Variants in PCDHA1 observed in about 807,000 individuals in gnomAD.
PCDHA1 encodes protocadherin alpha-1.
PCDHA1 carries 42 observed loss-of-function variants against 61.3 expected under a neutral mutation model. The observed-to-expected ratio is 0.69, with a 90% CI of 0.54 to 0.89. PCDHA1 has a LOEUF of 0.89. Ranked by LOEUF, PCDHA1 falls within the 40% of genes least tolerant of loss-of-function variation. The pLI, the probability that PCDHA1 is intolerant of heterozygous loss-of-function variation, is 0.00. For synonymous variants in PCDHA1, 610 were observed against 553.8 expected, an observed-to-expected ratio of 1.10 and a Z score of -1.43; for missense variants, 1,256 against 1,235.3, an observed-to-expected ratio of 1.02 and a Z score of -0.25.
At chr5:140,924,762 G>A (rs1554202136) in intron 1 of PCDHA1, among the ~76,000 whole-genome samples, 1 of 151,856 alleles carries the variant, frequency 6.6e-6, no homozygotes, top group Non-Finnish European at 1.5e-5. Context: ...GAGCATGGTG[G>A]TGCGCGCTTG....
At chr5:140,818,283 C>T (rs1766323744) in intron 1 of PCDHA1, among the ~76,000 whole-genome samples, 1 of 152,044 alleles carries the variant, frequency 6.6e-6, no homozygotes, top group Non-Finnish European at 1.5e-5. Context: ...TTTCATAATC[C>T]ATGTTTTATT....
intron 1 of PCDHA1, chr5:140,812,771 C>T (rs1189411783): frequency 1.3e-5 from 2 of 152,154 alleles, no homozygotes; most frequent in Non-Finnish European, 2.9e-5. Flanking sequence ...CTTAATATTC[C>T]TTCTTAGTAC....
At chr5:140,874,310 T>G (rs1466164009) in intron 1 of PCDHA1, among the ~76,000 whole-genome samples, 1 of 151,992 alleles carries the variant, frequency 6.6e-6, no homozygotes, top group Non-Finnish European at 1.5e-5. Context: ...TCACAATGAG[T>G]TGTAGGATCT....
chr5:140,908,208 C>A (rs1477430085), intron 1 of PCDHA1, among the ~76,000 whole-genome samples: 8 of 152,136 alleles, frequency 5.3e-5, no homozygotes, highest in Non-Finnish European at 1.0e-4. Context: ...TCATGCAGAA[C>A]CATCTGTGAA....
chr5:141,001,518 C>G (rs573560944), intron 3 of PCDHA1, among the ~76,000 whole-genome samples: 2 of 152,272 alleles, frequency 1.3e-5, no homozygotes, highest in East Asian at 1.9e-4. Context: ...AGCTTTCTCC[C>G]TCTCTCTCTG....
At chr5:140,906,416 T>A (rs2072639287) in intron 1 of PCDHA1, among the ~76,000 whole-genome samples, 1 of 152,190 alleles carries the variant, frequency 6.6e-6, no homozygotes, top group African/African-American at 2.4e-5. Flanking sequence ...AGTCAATAAA[T>A]CTTATGTCAC....
rs1776053531 is a variant in PCDHA1 at position 140,839,144 on chromosome 5, A to G, written c.2394+50460A>G. ...ATATGTCATTCACATAAGCAGACCAAGTTTGCTGCTCTTGTTGAAAGATAT... is the reference window on the plus strand; with the variant it reads ...ATATGTCATTCACATAAGCAGACCAGGTTTGCTGCTCTTGTTGAAAGATAT... On this transcript the variant is annotated intron_variant, in intron 1 of 3. Transcript: ENST00000504120. Among the ~76,000 whole-genome samples, 3 of 136,814 alleles carry G rather than the reference A, an allele frequency of 2.2e-5. No individual in the cohort carries two copies. The South Asian group carries it at 7.1e-4, about 33-fold the overall frequency. The allele number at this position is 136,814 out of a possible 152,430, so 89.8% of individuals were successfully genotyped here.
chr5:140,801,564 G>A, intron 1 of PCDHA1: 1 of 1,614,270 alleles, frequency 6.2e-7, no homozygotes, highest in Non-Finnish European at 8.5e-7. Flanking sequence ...GGAGGTGGAA[G>A]TGAAGGACAT....
intron 1 of PCDHA1, among the ~76,000 whole-genome samples, chr5:140,831,814 A>G (rs1771713108): frequency 6.6e-6 from 1 of 152,202 alleles, no homozygotes; most frequent in Non-Finnish European, 1.5e-5. Context: ...TAAAGTTGGA[A>G]TGATAAACAC....
chr5:140,843,274 G>A, intron 1 of PCDHA1: 6 of 1,596,094 alleles, frequency 3.8e-6, no homozygotes, highest in Non-Finnish European at 5.1e-6. Flanking sequence ...TGGTCCTGGT[G>A]AAGGATCATG....
intron 1 of PCDHA1, chr5:140,802,681 T>A: frequency 6.2e-6 from 10 of 1,613,198 alleles, no homozygotes; most frequent in Non-Finnish European, 8.5e-6. Flanking sequence ...TACTCGCTGG[T>A]GGAACGGCGG....
chr5:140,966,234 C>T (rs77272068), intron 1 of PCDHA1: 2,919 of 290,608 alleles, frequency 0.01, 77 homozygotes, highest in African/African-American at 0.056. Context: ...CTTAAAGACC[C>T]GTTAAGCAGG....
intron 1 of PCDHA1, among the ~76,000 whole-genome samples, chr5:140,839,243 C>T (rs12659980): frequency 0.58 from 88,501 of 151,692 alleles, 26,916 homozygotes; most frequent in African/African-American, 0.73. Context: ...TATTGCTTTG[C>T]TTTTATGCTT....
chr5:140,809,094 C>A (rs782551783), intron 1 of PCDHA1: 2 of 1,613,968 alleles, frequency 1.2e-6, no homozygotes, highest in East Asian at 4.5e-5. Flanking sequence ...ACAACGCGTG[C>A]CCTGGACGAA....
At chr5:140,912,844 C>T (rs960802369) in intron 1 of PCDHA1, among the ~76,000 whole-genome samples, 16 of 152,150 alleles carry the variant, frequency 1.1e-4, no homozygotes, top group Admixed American at 2.6e-4. Context: ...AATGCTTTTT[C>T]AGCATCAATT....
intron 1 of PCDHA1, chr5:140,841,851 A>C: frequency 6.2e-7 from 1 of 1,613,782 alleles, no homozygotes; most frequent in South Asian, 1.1e-5. Flanking sequence ...TCTCATGATT[A>C]CTTCATGCTA....
At chr5:140,811,787 A>G (rs1195169944) in intron 1 of PCDHA1, 2 of 152,190 alleles carry the variant, frequency 1.3e-5, no homozygotes, top group Non-Finnish European at 1.5e-5. Flanking sequence ...TGTTGGCTGC[A>G]TAAATGTCTT....
chr5:140,958,915 G>T (rs1162016056), intron 1 of PCDHA1, among the ~76,000 whole-genome samples: 13 of 150,674 alleles, frequency 8.6e-5, no homozygotes, highest in Non-Finnish European at 1.8e-4. Flanking sequence ...AAGTCTGCCT[G>T]GGTGTGGTGG....
chr5:140,857,855 A>T, intron 1 of PCDHA1: 1 of 1,597,468 alleles, frequency 6.3e-7, no homozygotes, highest in Non-Finnish European at 8.6e-7. Context: ...CTCTGGATAC[A>T]ACGCGTGGCT....
Sources: allele counts gnomAD v4.1 joint callset (sites outside exome capture counted in the v4.1 genomes callset), GRCh38; gene constraint gnomAD v4.1.1; transcripts MANE v1.5; gene names NCBI Gene and HGNC (gene_info 2026-07-23, HGNC 2026-07-21).